The following UBR1 variants were observed in gnomAD, a reference collection of about 807,000 sequenced individuals.
UBR1 encodes the protein ubiquitin protein ligase E3 component n-recognin 1.
Under a neutral mutation model 242.1 loss-of-function variants are expected in UBR1, and 102 were observed. That is an observed-to-expected ratio of 0.42 (90% confidence interval 0.36 to 0.50). The LOEUF is 0.50. UBR1 is among the 20% of genes least tolerant of loss of function. UBR1 has a pLI of 0.01. For missense variants in UBR1, 1,772 were observed against 2,101.8 expected (o/e 0.84, Z 3.07); for synonymous variants, 675 against 684.8 (o/e 0.99, Z 0.22).
chr15:43,015,696 C>G lies in UBR1; in HGVS notation c.3201G>C (p.Glu1067Asp). ...GGTTTGCTTTATTTTACCTCTCTTCCTCCATAATGGAATCTTCTTTCCCAG... is the reference window on the plus strand; with the variant it reads ...GGTTTGCTTTATTTTACCTCTCTTCGTCCATAATGGAATCTTCTTTCCCAG... ...EMPGKEDSIM[E>D]EESTPAVSDY... The change falls in exon 29 of 47, where the codon GAG becomes GAC. Residue 1067 changes from glutamate to aspartate, a missense_variant. By Grantham distance (45) the Glu-to-Asp change is conservative. Transcript: ENST00000290650. The G allele has an allele frequency of 6.2e-7, 1 of 1,613,606 alleles. No homozygotes were observed. The highest frequency in any genetic ancestry group is 1.3e-5 in the African/African-American group (1 of 74,986).
At chr15:43,080,941 A>C (rs1004290524) in intron 3 of UBR1, among the ~76,000 whole-genome samples, 5 of 151,750 alleles carry the variant, frequency 3.3e-5, no homozygotes, top group African/African-American at 1.2e-4. Flanking sequence ...ACAGAGCCAG[A>C]CTCCATCTCA....
intron 12 of UBR1, among the ~76,000 whole-genome samples, chr15:43,052,667 CA>C (rs2141331216): frequency 6.6e-6 from 1 of 152,260 alleles, no homozygotes; most frequent in South Asian, 2.1e-4. Flanking sequence ...AACAAGGTTT[CA>C]GGGGAAATTA....
chr15:43,092,913 C>T (rs2034120203), intron 1 of UBR1, among the ~76,000 whole-genome samples: 1 of 152,074 alleles, frequency 6.6e-6, no homozygotes, highest in African/African-American at 2.4e-5. Context: ...TCCATTATTG[C>T]CAAACTGTGG....
chr15:42,982,446 CTT>C (rs1303392921), intron 37 of UBR1, among the ~76,000 whole-genome samples: 3 of 152,132 alleles, frequency 2.0e-5, no homozygotes, highest in Non-Finnish European at 4.4e-5. Context: ...GAAGGGAAAA[CTT>C]TTAAGTGTGT....
At chr15:43,077,207 A>C (rs2033916647) in intron 3 of UBR1, among the ~76,000 whole-genome samples, 1 of 147,434 alleles carries the variant, frequency 6.8e-6, no homozygotes, top group South Asian at 2.3e-4. Flanking sequence ...TGTGGAATAG[A>C]AGGGCGGGAA....
chr15:42,957,765 C>T (rs997217012), intron 44 of UBR1, among the ~76,000 whole-genome samples: 1 of 152,004 alleles, frequency 6.6e-6, no homozygotes, highest in South Asian at 2.1e-4. Context: ...AGTTTCACTA[C>T]TTGGGAGATT....
chr15:43,054,180 G>A (rs759555424), intron 12 of UBR1, among the ~76,000 whole-genome samples: 5 of 151,656 alleles, frequency 3.3e-5, no homozygotes, highest in Non-Finnish European at 7.4e-5. Context: ...GTGAGACTCC[G>A]TCTCTACAAA....
intron 37 of UBR1, among the ~76,000 whole-genome samples, chr15:42,978,732 C>CTTTTTTTTTT (rs530091685): frequency 7.5e-6 from 1 of 134,226 alleles, no homozygotes; most frequent in Non-Finnish European, 1.6e-5. Context: ...CTTTTCTTTT[C>CTTTTTTTTTT]TTTTTTTTTT....
chr15:43,025,364 A>G lies in UBR1; in HGVS notation c.2584+17T>C, dbSNP rs112276199. On this transcript the variant is annotated intron_variant, in intron 24 of 46. Coordinates refer to ENST00000290650, the MANE Select transcript of UBR1 (RefSeq NM_174916.3). ...GAAAATAGTCAAAATGAGTCAATTCAGAATCTCACTTTTTACCTTCATCTT... is the reference window on the plus strand; with the variant it reads ...GAAAATAGTCAAAATGAGTCAATTCGGAATCTCACTTTTTACCTTCATCTT... The G allele has an allele frequency of 1.2e-6, 2 of 1,603,868 alleles. No individual in the cohort carries two copies. Among genetic ancestry groups the G allele is most frequent in the Non-Finnish European group, 1.7e-6 (2 of 1,173,038 alleles).
At chr15:43,078,608 T>C (rs2033935369) in intron 3 of UBR1, among the ~76,000 whole-genome samples, 1 of 152,102 alleles carries the variant, frequency 6.6e-6, no homozygotes, top group African/African-American at 2.4e-5. Flanking sequence ...CCAAACTCAA[T>C]TACATGGAGT....
intron 6 of UBR1, among the ~76,000 whole-genome samples, chr15:43,067,655 C>T (rs1011063839): frequency 5.9e-5 from 9 of 152,060 alleles, no homozygotes; most frequent in South Asian, 2.1e-4. Context: ...TTCTTACCTA[C>T]GCTTTGCCAA....
At chr15:43,026,321 T>C (rs1188341603) in intron 23 of UBR1, 1 of 437,764 alleles carries the variant, frequency 2.3e-6, no homozygotes, top group African/African-American at 2.0e-5. Context: ...AAGTCCATGA[T>C]GCTTGATTGA....
intron 33 of UBR1, among the ~76,000 whole-genome samples, chr15:42,997,864 G>A (rs1473683661): frequency 6.6e-6 from 1 of 152,188 alleles, no homozygotes; most frequent in East Asian, 1.9e-4. Context: ...TAATCAGTAA[G>A]TGGATCTTAG....
intron 12 of UBR1, among the ~76,000 whole-genome samples, chr15:43,049,764 G>C (rs1231947372): frequency 1.3e-5 from 2 of 152,008 alleles, no homozygotes; most frequent in Admixed American, 6.6e-5. Flanking sequence ...TTCTTTTAAA[G>C]TAAAAGATAA....
intron 15 of UBR1, among the ~76,000 whole-genome samples, chr15:43,041,101 C>A (rs2033412007): frequency 1.3e-5 from 2 of 152,076 alleles, no homozygotes; most frequent in South Asian, 4.1e-4. Flanking sequence ...GGGTATATAC[C>A]CAATGGATTA....
chr15:43,042,807 G>T (rs1231845071), intron 15 of UBR1, among the ~76,000 whole-genome samples: 1 of 152,094 alleles, frequency 6.6e-6, no homozygotes, highest in African/African-American at 2.4e-5. Context: ...AATTTACATG[G>T]AAATGCAAAT....
intron 35 of UBR1, 129 bp from the exon 36 acceptor site, chr15:42,985,071 TTG>T: frequency 1.2e-6 from 1 of 810,076 alleles, no homozygotes; most frequent in Non-Finnish European, 1.8e-6. Context: ...CTTCAAAGTC[TTG>T]TGTTTTAAGT....
At chr15:43,086,987 C>T (rs1460559393) in intron 1 of UBR1, among the ~76,000 whole-genome samples, 1 of 152,148 alleles carries the variant, frequency 6.6e-6, no homozygotes, top group African/African-American at 2.4e-5. Flanking sequence ...TCAGCCTCGA[C>T]AACACATAGG....
At chr15:42,965,450 T>C (rs1428848716) in intron 41 of UBR1, among the ~76,000 whole-genome samples, 1 of 151,542 alleles carries the variant, frequency 6.6e-6, no homozygotes, top group Non-Finnish European at 1.5e-5. Context: ...CATTCTTTAA[T>C]GTAGTCATAT....
Sources: allele counts gnomAD v4.1 joint callset (sites outside exome capture counted in the v4.1 genomes callset), GRCh38; gene constraint gnomAD v4.1.1; transcripts MANE v1.5; gene names NCBI Gene and HGNC (gene_info 2026-07-23, HGNC 2026-07-21).